The following PDE1A variants were observed in gnomAD, a reference collection of about 807,000 sequenced individuals.
PDE1A encodes phosphodiesterase 1A.
Under a neutral mutation model 61.7 loss-of-function variants are expected in PDE1A, and 35 were observed. The observed-to-expected ratio is 0.57, with a 90% CI of 0.43 to 0.75. The LOEUF (loss-of-function observed/expected upper bound fraction) is 0.75, where lower values mean the gene tolerates loss of function less well. PDE1A is among the 30% of genes least tolerant of loss of function. The pLI, the probability that PDE1A is intolerant of heterozygous loss-of-function variation, is 0.00. For synonymous variants in PDE1A, 232 were observed against 213.2 expected (o/e 1.09, Z -0.77); for missense variants, 597 against 630.6 (o/e 0.95, Z 0.57).
exon 14 of PDE1A, chr2:182,168,211 A>G: frequency 6.4e-7 from 1 of 1,571,478 alleles, no homozygotes; most frequent in Non-Finnish European, 8.6e-7. Flanking sequence ...GTCAAATTAG[A>G]GCTGCCACCA....
chr2:182,510,968 T>C (rs1179653225), intron 2 of PDE1A, among the ~76,000 whole-genome samples: 2 of 152,208 alleles, frequency 1.3e-5, no homozygotes, highest in African/African-American at 4.8e-5. Context: ...GCATTGATTC[T>C]GATAAGAAAA....
intron 2 of PDE1A, among the ~76,000 whole-genome samples, chr2:182,456,452 A>T (rs1232724604): frequency 6.6e-6 from 1 of 152,058 alleles, no homozygotes; most frequent in East Asian, 1.9e-4. Context: ...TACCCATATA[A>T]ATTTTTGAAT....
At chr2:182,230,538 A>G (rs1689495429) in intron 5 of PDE1A, among the ~76,000 whole-genome samples, 1 of 152,198 alleles carries the variant, frequency 6.6e-6, no homozygotes, top group South Asian at 2.1e-4. Context: ...AGCTCTAAAA[A>G]TGTGATGATT....
Position 182,267,029 on chromosome 2 carries a change from C to T in PDE1A, c.54-2615G>A, listed in dbSNP as rs112656396. 8.5e-5 allele frequency among the ~76,000 whole-genome samples: 13 copies of T among 152,074 alleles called. 1 individual carries two copies. Among genetic ancestry groups the T allele is most frequent in the African/African-American group, 2.9e-4 (12 of 41,482 alleles). On this transcript the variant is annotated intron_variant, in intron 1 of 13. Transcript: ENST00000351439. ...ACTGATAAATGAATAGAGAATGAAG[C>T]AAAATAAGGTTGTCAAGAATGGAGA...
the PDE1A span, among the ~76,000 whole-genome samples, chr2:182,602,990 C>CAT: frequency 0.011 from 1,502 of 137,904 alleles, 24 homozygotes; most frequent in African/African-American, 0.038. Context: ...ATCACACACA[C>CAT]ACACATACAT....
At chr2:182,398,793 C>G (rs1008504875) in intron 1 of PDE1A, among the ~76,000 whole-genome samples, 1 of 151,944 alleles carries the variant, frequency 6.6e-6, no homozygotes, top group Non-Finnish European at 1.5e-5. Context: ...TGGCTTGAAT[C>G]CTGTAGATAC....
Position 182,485,024 on chromosome 2 carries a change from C to G in PDE1A, c.101+37252G>C, listed in dbSNP as rs549512571. On this transcript the variant is annotated intron_variant, in intron 2 of 14. Transcript: ENST00000410103. ...GCAATTCCATTACTAGGTATAAACC[C>G]AGAGGAATATAAATCATTCTACTAT... Among the ~76,000 whole-genome samples, 7 of 151,900 alleles carry G rather than the reference C, an allele frequency of 4.6e-5. No homozygotes were observed. The South Asian group carries it at 1.5e-3, about 32-fold the overall frequency.
At chr2:182,186,199 T>C (rs1685190440) in intron 12 of PDE1A, 120 bp from the exon 13 acceptor site, 1 of 1,034,668 alleles carries the variant, frequency 9.7e-7, no homozygotes, top group Admixed American at 2.7e-5. Context: ...CAGTCCCAGT[T>C]CTGAGCACGT....
At chr2:182,314,610 T>TGTAA (rs1201756345) in intron 1 of PDE1A, 2 of 152,112 alleles carry the variant, frequency 1.3e-5, no homozygotes, top group African/African-American at 4.8e-5. Flanking sequence ...ATGTCATTTA[T>TGTAA]GTAAAATTCT....
At chr2:182,686,863 C>T in the PDE1A span, among the ~76,000 whole-genome samples, 3 of 152,348 alleles carry the variant, frequency 2.0e-5, no homozygotes, top group Non-Finnish European at 2.9e-5. Flanking sequence ...TCTTAGCAAA[C>T]GGCACACCAG....
At chr2:182,555,191 A>G in the PDE1A span, among the ~76,000 whole-genome samples, 1 of 152,254 alleles carries the variant, frequency 6.6e-6, no homozygotes, top group Non-Finnish European at 1.5e-5. Flanking sequence ...TCTAGACAAT[A>G]AACAGAATCT....
intron 2 of PDE1A, among the ~76,000 whole-genome samples, chr2:182,245,974 C>A (rs901645258): frequency 6.6e-6 from 1 of 152,220 alleles, no homozygotes; most frequent in African/African-American, 2.4e-5. Context: ...TCATCTCTTG[C>A]CTGGCCTCCT....
chr2:182,253,944 C>T (rs1406065260), intron 2 of PDE1A, among the ~76,000 whole-genome samples: 1 of 151,968 alleles, frequency 6.6e-6, no homozygotes, highest in African/African-American at 2.4e-5. Flanking sequence ...ATCATATATG[C>T]AAATTGAATA....
chr2:182,620,659 A>G, the PDE1A span, among the ~76,000 whole-genome samples: 3 of 152,216 alleles, frequency 2.0e-5, no homozygotes, highest in Admixed American at 6.5e-5. Flanking sequence ...TATGTTTTTC[A>G]TGTTCCTTTT....
intron 1 of PDE1A, among the ~76,000 whole-genome samples, chr2:182,416,971 G>C (rs909637063): frequency 6.6e-6 from 1 of 152,194 alleles, no homozygotes; most frequent in Non-Finnish European, 1.5e-5. Context: ...GAAATGCTGA[G>C]CTCAAGATTC....
At chr2:182,590,418 T>C in the PDE1A span, among the ~76,000 whole-genome samples, 3 of 152,084 alleles carry the variant, frequency 2.0e-5, no homozygotes, top group East Asian at 5.8e-4. Flanking sequence ...CAGTGAGCTA[T>C]GACTATGCCA....
chr2:182,655,645 C>T, the PDE1A span, among the ~76,000 whole-genome samples: 1 of 152,320 alleles, frequency 6.6e-6, no homozygotes, highest in South Asian at 2.1e-4. Flanking sequence ...TTTTGCAAGG[C>T]ATTTGCCTGT....
At chr2:182,150,935 CACTA>C (rs1418847231) in intron 13 of PDE1A, among the ~76,000 whole-genome samples, 4 of 152,280 alleles carry the variant, frequency 2.6e-5, no homozygotes, top group South Asian at 2.1e-4. Flanking sequence ...GTCAGGGTCT[CACTA>C]ACTATCTGAG....
rs562424666 is a variant in PDE1A at position 182,405,184 on chromosome 2, T to C, written c.53+21394A>G. On this transcript the variant is annotated intron_variant, in intron 1 of 13. Coordinates refer to ENST00000351439, the Ensembl canonical transcript of PDE1A. ...ATGCTGTCCATTGTTGACTGAAATG[T>C]TATATAGCACATGACCGTACATATA... 1.8e-3 allele frequency among the ~76,000 whole-genome samples: 275 copies of C among 152,322 alleles called. 4 individuals carry two copies. Among genetic ancestry groups the C allele is most frequent in the African/African-American group, 6.2e-3 (256 of 41,580 alleles).
Sources: gnomAD v4.1 joint callset for allele counts (sites outside exome capture counted in the v4.1 genomes callset) on GRCh38, gnomAD v4.1.1 for gene constraint, MANE v1.5 for transcripts, NCBI Gene and HGNC (gene_info 2026-07-23, HGNC 2026-07-21) for gene names.